Variants in CLK4 observed in about 807,000 individuals in gnomAD.
CLK4 encodes the protein CDC like kinase 4.
Under a neutral mutation model 64.4 loss-of-function variants are expected in CLK4, and 37 were observed. The ratio of observed to expected loss-of-function variants is 0.57; its 90% CI spans 0.44 to 0.76. The LOEUF is 0.76. Among genes scored for constraint, CLK4 ranks in the 30% least tolerant of loss-of-function variants. The pLI is 0.00. For synonymous variants in CLK4, 175 were observed against 191.6 expected (o/e 0.91, Z 0.72); for missense variants, 457 against 605.1 (o/e 0.76, Z 2.57).
At chr5:178,620,474 A>G in intron 2 of CLK4, 1 of 322,264 alleles carries the variant, frequency 3.1e-6, no homozygotes, top group Non-Finnish European at 6.3e-6. Flanking sequence ...TCAATAGATA[A>G]TGGCCAATGA....
chr5:178,618,957 A>G lies in CLK4; in HGVS notation c.162-179T>C, dbSNP rs370600788. On this transcript the variant is annotated intron_variant, in intron 2 of 12. Transcript: ENST00000316308. ...TTAAGAAATAATTTTACTTTAACAA[A>G]CAAGCAAATGGGCCCATTATAGAGT... Among the ~76,000 whole-genome samples, 26 of 152,332 alleles carry G rather than the reference A, an allele frequency of 1.7e-4. No individual in the cohort carries two copies. In the South Asian group the frequency reaches 5.0e-3, roughly 29 times the overall value.
At chr5:178,611,989 G>T (rs1025125432) in intron 9 of CLK4, among the ~76,000 whole-genome samples, 1 of 139,164 alleles carries the variant, frequency 7.2e-6, no homozygotes, top group Non-Finnish European at 1.5e-5. Flanking sequence ...GTTATCACAG[G>T]AGCTCTTAGA....
At chr5:178,607,906 T>C (rs953725503) in intron 10 of CLK4, among the ~76,000 whole-genome samples, 7 of 152,246 alleles carry the variant, frequency 4.6e-5, no homozygotes, top group Admixed American at 2.6e-4. Context: ...GAGAAAGATG[T>C]TGTCTCTTCA....
At chr5:178,621,336 T>C (rs889514760) in intron 2 of CLK4, among the ~76,000 whole-genome samples, 1 of 152,106 alleles carries the variant, frequency 6.6e-6, no homozygotes, top group African/African-American at 2.4e-5. Flanking sequence ...GACCACAATA[T>C]ATAAAGGTAG....
Position 178,617,049 on chromosome 5 carries a change from T to G in CLK4, c.476-101A>C. The G allele has an allele frequency of 2.5e-6, 2 of 801,358 alleles. No individual in the cohort carries two copies. Among genetic ancestry groups the G allele is most frequent in the Non-Finnish European group, 4.2e-6 (2 of 476,494 alleles). 49.6% of individuals were successfully genotyped at this position (801,358 alleles called of 1,614,324 possible). ...GTGTGGAATATTTTCAAATGATCTC[T>G]AACAAAGCATAACTAAGGTTTCAGC... On this transcript the variant is annotated intron_variant, in intron 4 of 12. Transcript: ENST00000316308. The surrounding 1 kb of genome is among the most constrained non-coding windows in gnomAD (Gnocchi z 5.2).
chr5:178,619,936 G>A (rs1012758273), intron 2 of CLK4: 8 of 508,110 alleles, frequency 1.6e-5, no homozygotes, highest in African/African-American at 5.9e-5. Flanking sequence ...CAGACACATC[G>A]GCTAAAATAA....
chr5:178,618,229 AAGATG>A (rs1334910070), intron 3 of CLK4: 2 of 152,580 alleles, frequency 1.3e-5, no homozygotes, highest in Non-Finnish European at 2.9e-5. Context: ...AAAAATGCTT[AAGATG>A]AAAGAAAAGA....
chr5:178,605,127 C>G (rs995526857), intron 11 of CLK4, 176 bp downstream of exon 11: 1 of 299,840 alleles, frequency 3.3e-6, no homozygotes, highest in Non-Finnish European at 5.3e-6. Flanking sequence ...GAGACTCCAT[C>G]TCAAAAAAAA....
At chr5:178,624,616 GTTAAGTT>G (rs1562131813) in intron 1 of CLK4, among the ~76,000 whole-genome samples, 1 of 152,248 alleles carries the variant, frequency 6.6e-6, no homozygotes, top group East Asian at 1.9e-4. Flanking sequence ...TTCCAAAACA[GTTAAGTT>G]TTAACAGTCA....
intron 10 of CLK4, among the ~76,000 whole-genome samples, chr5:178,607,157 A>G (rs1181421866): frequency 6.6e-6 from 1 of 151,942 alleles, no homozygotes; most frequent in Non-Finnish European, 1.5e-5. Flanking sequence ...TAATCTCTAA[A>G]TAAGGGTCAG....
chr5:178,621,528 TAATA>T (rs1764706221), intron 2 of CLK4, among the ~76,000 whole-genome samples: 1 of 152,170 alleles, frequency 6.6e-6, no homozygotes. Flanking sequence ...AAAAATACTT[TAATA>T]AATAGGCTAA....
At chr5:178,607,993 T>C (rs561753559) in intron 10 of CLK4, among the ~76,000 whole-genome samples, 2 of 152,350 alleles carry the variant, frequency 1.3e-5, no homozygotes, top group African/African-American at 4.8e-5. Context: ...CAATCCCTTG[T>C]TGTTTCTGAA....
chr5:178,617,044 A>T lies in CLK4; in HGVS notation c.476-96T>A, dbSNP rs1012221759. ...CTTAAGTGTGGAATATTTTCAAATG[A>T]TCTCTAACAAAGCATAACTAAGGTT... On this transcript the variant is annotated intron_variant, in intron 4 of 12. Coordinates refer to ENST00000316308, the MANE Select transcript of CLK4 (RefSeq NM_020666.3). The surrounding 1 kb of genome is among the most constrained non-coding windows in gnomAD (Gnocchi z 5.2). 2 of 861,036 alleles carry T rather than the reference A, an allele frequency of 2.3e-6. No homozygotes were observed. Among genetic ancestry groups the T allele is most frequent in the African/African-American group, 3.4e-5 (2 of 58,742 alleles). 53.3% of individuals were successfully genotyped at this position (861,036 alleles called of 1,614,324 possible). A position where few individuals can be genotyped will look rare whatever the true frequency, so the allele number is the denominator to read the frequency against.
intron 2 of CLK4, chr5:178,620,075 A>T: frequency 3.0e-6 from 1 of 337,380 alleles, no homozygotes; most frequent in South Asian, 2.2e-5. Context: ...CATCTTTACA[A>T]CTACTACCCA....
chr5:178,620,532 TATGGACAGG>T, intron 2 of CLK4: 1 of 403,198 alleles, frequency 2.5e-6, no homozygotes, highest in Non-Finnish European at 5.1e-6. Flanking sequence ...TTACACAGGC[TATGGACAGG>T]GTAGACAGGA....
At chr5:178,621,264 T>C (rs1229826806) in intron 2 of CLK4, among the ~76,000 whole-genome samples, 1 of 152,204 alleles carries the variant, frequency 6.6e-6, no homozygotes. Flanking sequence ...AGGTGATTCT[T>C]ATTCACACTA....
chr5:178,616,094 AT>A lies in CLK4; in HGVS notation c.542+787del, dbSNP rs1764623225. ...AAATTTGTCATCATTCTTTTTTTTTATTTTTATTTTTTTTGAGACGGATTTT... is the reference window on the plus strand; with the variant it reads ...AAATTTGTCATCATTCTTTTTTTTTATTTTATTTTTTTTGAGACGGATTTT... On this transcript the variant is annotated intron_variant, in intron 5 of 12. Coordinates refer to ENST00000316308, the MANE Select transcript of CLK4 (RefSeq NM_020666.3). 2.0e-5 allele frequency among the ~76,000 whole-genome samples: 3 copies of A among 151,118 alleles called. No individual in the cohort carries two copies. The South Asian group carries it at 6.3e-4, about 32-fold the overall frequency.
At chr5:178,626,111 G>A (rs1764776135) in intron 1 of CLK4, among the ~76,000 whole-genome samples, 1 of 152,148 alleles carries the variant, frequency 6.6e-6, no homozygotes, top group Non-Finnish European at 1.5e-5. Flanking sequence ...ATCGAAACAG[G>A]TTATAAGTTT....
At position 178,616,890 on chromosome 5, in the gene CLK4, A is replaced by T; in HGVS notation, c.534T>A (p.Asp178Glu). ...GGAAAAAACAAACTTACATGCCATG[A>T]TCAATGCACTCTACAACTTTGCCAA... is the stretch of plus-strand genomic sequence containing the variant. ...GAFGKVVECIDHGMDGMHVAV... is the reference protein window; with the variant it reads ...GAFGKVVECIEHGMDGMHVAV... Residue 178 changes from aspartate to glutamate, a missense_variant, in exon 5 of 13, where the codon GAT becomes GAA. Transcript: ENST00000316308. 6.2e-7 allele frequency: 1 copy of T among 1,612,428 alleles called. No homozygotes were observed. Among genetic ancestry groups the T allele is most frequent in the African/African-American group, 1.3e-5 (1 of 75,042 alleles).
Sources: allele counts gnomAD v4.1 joint callset (sites outside exome capture counted in the v4.1 genomes callset), GRCh38; gene constraint gnomAD v4.1.1; non-coding constraint Gnocchi (gnomAD v3.1); transcripts MANE v1.5; gene names NCBI Gene and HGNC (gene_info 2026-07-23, HGNC 2026-07-21).